TMEM272: variants seen among roughly 807,000 people sequenced by gnomAD.
The protein encoded by TMEM272 is long intergenic non-protein coding RNA 282.
Under a neutral mutation model 3.7 loss-of-function variants are expected in TMEM272, and 8 were observed. The observed-to-expected ratio is 2.17, with a 90% confidence interval of 1.27 to 3.91. The LOEUF is 3.91. Among genes scored for constraint, TMEM272 ranks in the 30% most tolerant of loss-of-function variants. The pLI is 0.00. For synonymous variants in TMEM272, 63 were observed against 39.8 expected, an observed-to-expected ratio of 1.58 and a Z score of -2.20; for missense variants, 166 against 91.5, an observed-to-expected ratio of 1.81 and a Z score of -3.32.
At chr13:51,883,210 C>A in the TMEM272 span, among the ~76,000 whole-genome samples, 1 of 152,232 alleles carries the variant, frequency 6.6e-6, no homozygotes, top group African/African-American at 2.4e-5. Flanking sequence ...CCAGTGGATT[C>A]TCTTCTTCAC....
chr13:51,882,326 C>A, the TMEM272 span, among the ~76,000 whole-genome samples: 1 of 152,170 alleles, frequency 6.6e-6, no homozygotes, highest in Admixed American at 6.5e-5. Context: ...CTCCTACTTC[C>A]TACTGAAAGA....
the TMEM272 span, chr13:51,932,560 T>G: frequency 6.6e-6 from 1 of 152,046 alleles, no homozygotes; most frequent in Non-Finnish European, 1.5e-5. Context: ...TAAAATCCTA[T>G]CCTCCTCTGC....
chr13:51,860,330 C>A, the TMEM272 span, among the ~76,000 whole-genome samples: 1 of 152,116 alleles, frequency 6.6e-6, no homozygotes, highest in East Asian at 1.9e-4. Flanking sequence ...CTAAAAGAAA[C>A]CATTCCAAAA....
At chr13:51,820,944 C>T (rs536830861) in intron 4 of TMEM272, among the ~76,000 whole-genome samples, 1 of 152,344 alleles carries the variant, frequency 6.6e-6, no homozygotes, top group Admixed American at 6.5e-5. Context: ...TTACCTCAAA[C>T]ACAAAAGCCT....
chr13:51,908,841 G>C, the TMEM272 span: 75 of 1,436,932 alleles, frequency 5.2e-5, no homozygotes, highest in Admixed American at 1.1e-3. Context: ...TTCCCACGGA[G>C]GTGACAGGGG....
the TMEM272 span, chr13:51,932,730 T>C: frequency 1.3e-5 from 2 of 152,216 alleles, no homozygotes; most frequent in Admixed American, 6.5e-5. Context: ...GAAGTAGAAA[T>C]GATTATCTGA....
At chr13:51,872,431 T>C in the TMEM272 span, among the ~76,000 whole-genome samples, 2 of 151,844 alleles carry the variant, frequency 1.3e-5, no homozygotes, top group Non-Finnish European at 2.9e-5. Flanking sequence ...GACCAGGAGT[T>C]CCATCCTCCA....
the TMEM272 span, chr13:51,908,782 A>C: frequency 6.9e-7 from 1 of 1,445,716 alleles, no homozygotes; most frequent in Admixed American, 1.7e-5. Flanking sequence ...GGAAGAGCTG[A>C]ATCAGGATAT....
At chr13:51,895,102 A>C in the TMEM272 span, among the ~76,000 whole-genome samples, 1 of 152,178 alleles carries the variant, frequency 6.6e-6, no homozygotes, top group Non-Finnish European at 1.5e-5. Context: ...GTATATACAG[A>C]TGAAGCTTCG....
chr13:51,876,052 G>A, the TMEM272 span, among the ~76,000 whole-genome samples: 884 of 152,266 alleles, frequency 5.8e-3, 6 homozygotes, highest in African/African-American at 0.02. Flanking sequence ...TTCACTGACC[G>A]GCTCCTTTTC....
At chr13:51,925,310 T>C in the TMEM272 span, among the ~76,000 whole-genome samples, 1 of 152,182 alleles carries the variant, frequency 6.6e-6, no homozygotes. Context: ...GAAAATTGTG[T>C]CAGCTTTCTG....
At chr13:51,878,355 G>A in the TMEM272 span, among the ~76,000 whole-genome samples, 90 of 152,272 alleles carry the variant, frequency 5.9e-4, no homozygotes, top group African/African-American at 2.0e-3. Flanking sequence ...ACTTGAACCC[G>A]AGAGGCGGAG....
At chr13:51,838,619 C>A in intron 1 of TMEM272, 66 bp from the exon 2 acceptor site, 1 of 702,342 alleles carries the variant, frequency 1.4e-6, no homozygotes, top group Non-Finnish European at 2.6e-6. Flanking sequence ...AATAACCAAC[C>A]CTCTCTGTGC....
At chr13:51,924,307 C>T in the TMEM272 span, among the ~76,000 whole-genome samples, 1 of 152,198 alleles carries the variant, frequency 6.6e-6, no homozygotes, top group Admixed American at 6.5e-5. Flanking sequence ...GTAATCCCAA[C>T]TCTTTGGGAG....
the TMEM272 span, among the ~76,000 whole-genome samples, chr13:51,915,236 G>A: frequency 2.0e-5 from 3 of 152,308 alleles, no homozygotes; most frequent in East Asian, 5.8e-4. Context: ...TCCCTAGCAA[G>A]GTTGATAGAA....
At chr13:51,835,418 G>C (rs1445151748) in intron 2 of TMEM272, among the ~76,000 whole-genome samples, 1 of 151,924 alleles carries the variant, frequency 6.6e-6, no homozygotes, top group African/African-American at 2.4e-5. Flanking sequence ...GCTAGAGACG[G>C]GGTTTCACCA....
At chr13:51,926,077 CTA>C in the TMEM272 span, among the ~76,000 whole-genome samples, 1 of 151,140 alleles carries the variant, frequency 6.6e-6, no homozygotes, top group African/African-American at 2.4e-5. Context: ...TGGTGTGTGT[CTA>C]TGAGTGTGTG....
At chr13:51,835,724 A>C (rs8002015) in intron 2 of TMEM272, among the ~76,000 whole-genome samples, 108,769 of 152,158 alleles carry the variant, frequency 0.71, 39,019 homozygotes, top group African/African-American at 0.74. Flanking sequence ...TAAAAGACAT[A>C]TTAATTATGA....
At chr13:51,895,399 C>G in the TMEM272 span, among the ~76,000 whole-genome samples, 4 of 152,138 alleles carry the variant, frequency 2.6e-5, no homozygotes, top group African/African-American at 4.8e-5. Context: ...GGGGCTCACA[C>G]TCGGTAGTAA....
Sources: gnomAD v4.1 joint callset for allele counts (sites outside exome capture counted in the v4.1 genomes callset) on GRCh38, gnomAD v4.1.1 for gene constraint, MANE v1.5 for transcripts, NCBI Gene and HGNC (gene_info 2026-07-23, HGNC 2026-07-21) for gene names.